CAMSAP3: variants seen among roughly 807,000 people sequenced by gnomAD.
CAMSAP3 encodes calmodulin regulated spectrin associated protein family member 3.
CAMSAP3 carries 34 observed loss-of-function variants against 112.5 expected under a neutral mutation model. That is an observed-to-expected ratio of 0.30 (90% CI 0.23 to 0.40). CAMSAP3 has a LOEUF of 0.40. CAMSAP3 is among the 10% of genes least tolerant of loss of function. The pLI, the probability that CAMSAP3 is intolerant of heterozygous loss-of-function variation, is 1.00. For missense variants in CAMSAP3, 1,602 were observed against 1,770.3 expected, an observed-to-expected ratio of 0.90 and a Z score of 1.71; for synonymous variants, 868 against 799.8, an observed-to-expected ratio of 1.09 and a Z score of -1.44.
chr19:7,615,397 C>A lies in CAMSAP3; in HGVS notation c.2811-21C>A. On this transcript the variant is annotated intron_variant, in intron 12 of 16. Transcript: ENST00000160298. The surrounding 1 kb of genome is among the most constrained non-coding windows in gnomAD (Gnocchi z 6.5). ...GCGGACCCCGTGAGCGGTTCTGATG[C>A]CGATTCCCTGTGATCTGCAGGCTGG... 6.5e-7 allele frequency: 1 copy of A among 1,538,378 alleles called. No homozygotes were observed. The highest frequency in any genetic ancestry group is 8.7e-7 in the Non-Finnish European group (1 of 1,143,226).
Position 7,610,944 on chromosome 19 carries a change from C to A in CAMSAP3, c.1049+13C>A. 1 of 1,579,620 alleles carries A rather than the reference C, an allele frequency of 6.3e-7. No homozygotes were observed. The highest frequency in any genetic ancestry group is 8.6e-7 in the Non-Finnish European group (1 of 1,160,954). On this transcript the variant is annotated intron_variant, in intron 8 of 16. Coordinates refer to ENST00000160298, the MANE Select transcript of CAMSAP3 (RefSeq NM_020902.2). This position sits in a 1 kb window ranked among gnomAD's most constrained non-coding sequence, Gnocchi z 4.9. ...ACAGCGGCAGTAGGTACGCTCCCCA[C>A]ACTGGGCGAGTCTCTGGCATTGTGG... is the stretch of plus-strand genomic sequence containing the variant.
In CAMSAP3 at chr19:7,617,396, G is replaced by C. The variant is rs1880605130; in HGVS notation, c.3283G>C (p.Gly1095Arg). 3 of 1,613,968 alleles carry C rather than the reference G, an allele frequency of 1.9e-6. No homozygotes were observed. In the African/African-American group the frequency reaches 4.0e-5, roughly 22 times the overall value. ...AAGCCGCGAACGGGACTGGGAAAATGGCAGCAATGCCTCCTCCCCAGCGTC... is the reference window on the plus strand; with the variant it reads ...AAGCCGCGAACGGGACTGGGAAAATCGCAGCAATGCCTCCTCCCCAGCGTC... ...PGSRERDWENGSNASSPASVP... is the reference protein window; with the variant it reads ...PGSRERDWENRSNASSPASVP... Residue 1095 changes from glycine (G) to arginine (R), a missense_variant, in exon 15 of 17, where the codon GGC becomes CGC. By Grantham distance (125) the Gly-to-Arg change is moderately radical. Around this residue, in one of 6 missense-constraint regions of CAMSAP3, gnomAD observed 1,100 missense variants for 1,135.7 expected, o/e 0.97. Transcript: ENST00000160298. The surrounding 1 kb of genome is among the most constrained non-coding windows in gnomAD (Gnocchi z 7.5).
chr19:7,599,362 A>C (rs1298668139), intron 1 of CAMSAP3, among the ~76,000 whole-genome samples: 1 of 132,270 alleles, frequency 7.6e-6, no homozygotes, highest in African/African-American at 2.9e-5. Flanking sequence ...CCACCCATCC[A>C]TCCACCCACT....
At position 7,615,435 on chromosome 19, in the gene CAMSAP3, C is replaced by T. The variant is rs544904809; in HGVS notation, c.2828C>T (p.Ala943Val). 57 of 1,540,834 alleles carry T rather than the reference C, an allele frequency of 3.7e-5. No homozygotes were observed. In the African/African-American group the frequency reaches 7.1e-4, roughly 19 times the overall value. ...ATCTGCAGGCTGGCCCAAGAGGAGG[C>T]CCCGGGCCCAGCCCCGCTTGTGTCC... ...EEAARLAQEE[A>V]PGPAPLVSAV... The change falls in exon 13 of 17, where the codon GCC becomes GTC. Residue 943 changes from alanine (A) to valine (V), a missense_variant. By Grantham distance (64) the Ala-to-Val change is moderately conservative. Coordinates refer to ENST00000160298, the MANE Select transcript of CAMSAP3 (RefSeq NM_020902.2). The surrounding 1 kb of genome is among the most constrained non-coding windows in gnomAD (Gnocchi z 6.5).
intron 1 of CAMSAP3, among the ~76,000 whole-genome samples, chr19:7,601,709 C>G (rs982826191): frequency 1.1e-5 from 1 of 94,942 alleles, no homozygotes; most frequent in Non-Finnish European, 2.1e-5. Flanking sequence ...GAGACCCCAT[C>G]TCTAAAATAA....
Position 7,615,545 on chromosome 19 carries a change from C to T in CAMSAP3, c.2938C>T (p.Gln980Ter). Reference sequence around the variant, plus strand: ...CCCCCGGAAGGGGGACTTCACGCGGCAGGAGTACGAGCGCCGGGCCCAGCT... The same window carrying T: ...CCCCCGGAAGGGGGACTTCACGCGGTAGGAGTACGAGCGCCGGGCCCAGCT... ...VGPRKGDFTR[Q>*]EYERRAQLKL... Residue 980 changes from glutamine (Q) to a stop codon, truncating the protein, a stop_gained, in exon 13 of 17, where the codon CAG becomes TAG. Coordinates refer to ENST00000160298, the MANE Select transcript of CAMSAP3 (RefSeq NM_020902.2). LOFTEE classifies it high-confidence loss of function. This position sits in a 1 kb window ranked among gnomAD's most constrained non-coding sequence, Gnocchi z 6.5. The T allele has an allele frequency of 6.5e-7, 1 of 1,531,002 alleles. No homozygotes were observed. The highest frequency in any genetic ancestry group is 2.5e-5 in the East Asian group (1 of 40,448). The allele number at this position is 1,531,002 out of a possible 1,614,324, so 94.8% of individuals were successfully genotyped here. A position where few individuals can be genotyped will look rare whatever the true frequency, so the allele number is the denominator to read the frequency against.
Position 7,611,927 on chromosome 19 carries a change from G to C in CAMSAP3, c.1434G>C (p.Ala478=), listed in dbSNP as rs776758341. 6.3e-7 allele frequency: 1 copy of C among 1,591,312 alleles called. No individual in the cohort carries two copies. Among genetic ancestry groups the C allele is most frequent in the Non-Finnish European group, 8.6e-7 (1 of 1,166,594 alleles). Reference sequence around the variant, plus strand: ...AGCCCCGGCTCCTCCCAGATGGGGCGGCCGACGGCAGCTTCTACCTCCACT... The same window carrying C: ...AGCCCCGGCTCCTCCCAGATGGGGCCGCCGACGGCAGCTTCTACCTCCACT... The part of the protein sequence containing the change: ...SAEPRLLPDG[A]ADGSFYLHSP... The change falls in exon 11 of 17, where the codon GCG becomes GCC. Residue 478 remains alanine (A), a synonymous_variant. Coordinates refer to ENST00000160298, the MANE Select transcript of CAMSAP3 (RefSeq NM_020902.2). This position sits in a 1 kb window ranked among gnomAD's most constrained non-coding sequence, Gnocchi z 6.9.
chr19:7,602,261 G>T (rs2030000760), intron 1 of CAMSAP3, among the ~76,000 whole-genome samples: 1 of 152,172 alleles, frequency 6.6e-6, no homozygotes, highest in African/African-American at 2.4e-5. Context: ...GTACAGGACA[G>T]GACAGCATCC....
intron 1 of CAMSAP3, among the ~76,000 whole-genome samples, chr19:7,602,095 A>G (rs937010372): frequency 1.3e-5 from 2 of 152,134 alleles, no homozygotes; most frequent in African/African-American, 4.8e-5. Flanking sequence ...GAATAAGTTT[A>G]TAGTATAAGG....
At position 7,615,282 on chromosome 19, in the gene CAMSAP3, C is replaced by T; in HGVS notation, c.2770C>T (p.Gln924Ter). 1 of 1,549,192 alleles carries T rather than the reference C, an allele frequency of 6.5e-7. No individual in the cohort carries two copies. Among genetic ancestry groups the T allele is most frequent in the Non-Finnish European group, 8.7e-7 (1 of 1,146,340 alleles). ...GGAGGCGCGGCGGCGCAAGCAGTGG[C>T]AGGAGGTGGAGAAGGAACAGCGGAG... Reference protein sequence around the residue: ...AEEARRRKQWQEVEKEQRREE... With the variant: ...AEEARRRKQW Residue 924 changes from glutamine (Q) to a stop codon, truncating the protein, a stop_gained, in exon 12 of 17, where the codon CAG becomes TAG. Coordinates refer to ENST00000160298, the MANE Select transcript of CAMSAP3 (RefSeq NM_020902.2). LOFTEE classifies it high-confidence loss of function. This position sits in a 1 kb window ranked among gnomAD's most constrained non-coding sequence, Gnocchi z 6.5.
Position 7,612,877 on chromosome 19 carries a change from C to G in CAMSAP3, c.2384C>G (p.Thr795Ser). Residue 795 changes from threonine (T) to serine (S), a missense_variant, in exon 11 of 17, where the codon ACC becomes AGC. By Grantham distance (58) the Thr-to-Ser change is moderately conservative. Around this residue, in one of 6 missense-constraint regions of CAMSAP3, gnomAD observed 1,100 missense variants for 1,135.7 expected, o/e 0.97. Coordinates refer to ENST00000160298, the MANE Select transcript of CAMSAP3 (RefSeq NM_020902.2). ...GCGGAGCTGCGGCTGGCACCCTTGA[C>G]CAGGGTGCTTACGCCACCCCACGAC... The part of the protein sequence containing the change: ...RPAELRLAPL[T>S]RVLTPPHDVD... 2.5e-6 allele frequency: 4 copies of G among 1,606,186 alleles called. No homozygotes were observed. The highest frequency in any genetic ancestry group is 3.4e-6 in the Non-Finnish European group (4 of 1,178,128).
chr19:7,612,107 G>T lies in CAMSAP3; in HGVS notation c.1614G>T (p.Ser538=). ...KPSPCLVGEA[S]KPPAPSEGSP... ...CTCCCTGTCTGGTGGGGGAGGCATCGAAACCGCCAGCCCCATCCGAGGGGT... is the reference window on the plus strand; with the variant it reads ...CTCCCTGTCTGGTGGGGGAGGCATCTAAACCGCCAGCCCCATCCGAGGGGT... Residue 538 remains serine, a synonymous_variant, in exon 11 of 17, where the codon TCG becomes TCT. Coordinates refer to ENST00000160298, the MANE Select transcript of CAMSAP3 (RefSeq NM_020902.2). The T allele has an allele frequency of 6.2e-7, 1 of 1,610,252 alleles. No individual in the cohort carries two copies. Among genetic ancestry groups the T allele is most frequent in the African/African-American group, 1.3e-5 (1 of 74,992 alleles).
chr19:7,601,136 C>G (rs4804753), intron 1 of CAMSAP3, among the ~76,000 whole-genome samples: 26,194 of 151,864 alleles, frequency 0.17, 2,427 homozygotes, highest in Admixed American at 0.25. Context: ...CAAAAACAAA[C>G]AACAAAAACC....
In CAMSAP3 at chr19:7,607,750, C is replaced by G. The variant is rs74556722; in HGVS notation, c.622-376C>G. On this transcript the variant is annotated intron_variant, in intron 4 of 16. Coordinates refer to ENST00000160298, the MANE Select transcript of CAMSAP3 (RefSeq NM_020902.2). The surrounding 1 kb of genome is among the most constrained non-coding windows in gnomAD (Gnocchi z 4.9). The stretch of plus-strand genomic sequence containing the variant: ...CAGGGTCAGGGCTACCCCCTCCCCC[C>G]CAAGGTGGGCTTGGGGGCCCAGCAG... The G allele has an allele frequency of 1.7e-3, 972 of 573,164 alleles. 8 individuals are homozygous for G. Among genetic ancestry groups the G allele is most frequent in the African/African-American group, 0.012 (627 of 52,148 alleles). The allele number at this position is 573,164 out of a possible 1,614,324, so 35.5% of individuals were successfully genotyped here. A position where few individuals can be genotyped will look rare whatever the true frequency, so the allele number is the denominator to read the frequency against.
rs2030527038 is a variant in CAMSAP3 at position 7,612,131 on chromosome 19, G to T, written c.1638G>T (p.Gly546=). Residue 546 remains glycine (G), a synonymous_variant, in exon 11 of 17, where the codon GGG becomes GGT. Transcript: ENST00000160298. ...CGAAACCGCCAGCCCCATCCGAGGG[G>T]TCCCCGAAGGCGGTGGCTTCGTCCC... ...EASKPPAPSE[G]SPKAVASSPA... is the part of the protein sequence containing the mutation. 2 of 1,612,568 alleles carry T rather than the reference G, an allele frequency of 1.2e-6. No homozygotes were observed. Among genetic ancestry groups the T allele is most frequent in the African/African-American group, 2.7e-5 (2 of 74,950 alleles).
chr19:7,606,049 T>A lies in CAMSAP3; in HGVS notation c.403-222T>A, dbSNP rs114772781. ...CCACCCTATCCTAACGCCTAGCATC[T>A]GACCTCAAAGTCCCACCCATCGTGC... is the stretch of plus-strand genomic sequence containing the variant. On this transcript the variant is annotated intron_variant, in intron 2 of 16. Transcript: ENST00000160298. Among the ~76,000 whole-genome samples the A allele has an allele frequency of 8.1e-3, 1,240 of 152,280 alleles. 20 individuals carry two copies. Among genetic ancestry groups the A allele is most frequent in the African/African-American group, 0.028 (1,153 of 41,554 alleles).
In CAMSAP3 at chr19:7,608,046, A is replaced by T. The variant is rs1297559012; in HGVS notation, c.622-80A>T. ...CCCGCCCCCTCATGGCGGAAACCCC[A>T]GGCCTCCCTGCCCAGCCTGCATGAC... On this transcript the variant is annotated intron_variant, in intron 4 of 16. Coordinates refer to ENST00000160298, the MANE Select transcript of CAMSAP3 (RefSeq NM_020902.2). The T allele has an allele frequency of 5.9e-6, 9 of 1,537,864 alleles. No individual in the cohort carries two copies. The Admixed American group carries it at 1.5e-4, about 25-fold the overall frequency.
rs763437907 is a variant in CAMSAP3 at position 7,612,983 on chromosome 19, G to A, written c.2490G>A (p.Glu830=). Reference sequence around the variant, plus strand: ...CGCGCTCTTCCATCCTCCTGGCGGAGGAGACGCCCCCCGAGGAGCCAGCCG... The same window carrying A: ...CGCGCTCTTCCATCCTCCTGGCGGAAGAGACGCCCCCCGAGGAGCCAGCCG... ...VQTRSSILLA[E]ETPPEEPAAR... Residue 830 remains glutamate, a synonymous_variant, in exon 11 of 17, where the codon GAG becomes GAA. Coordinates refer to ENST00000160298, the MANE Select transcript of CAMSAP3 (RefSeq NM_020902.2). The A allele has an allele frequency of 4.0e-5, 64 of 1,590,974 alleles. No individual in the cohort carries two copies. The African/African-American group carries it at 6.5e-4, about 16-fold the overall frequency.
chr19:7,616,479 G>C (rs762643999), intron 13 of CAMSAP3, 44 bp from the exon 14 acceptor site: 3 of 1,372,286 alleles, frequency 2.2e-6, no homozygotes, highest in Non-Finnish European at 3.1e-6. Flanking sequence ...GTTGTGGAGG[G>C]CAGGGGCTTC....
Sources: allele counts gnomAD v4.1 joint callset (sites outside exome capture counted in the v4.1 genomes callset), GRCh38; gene constraint gnomAD v4.1.1; regional missense constraint gnomAD v4.1.1; non-coding constraint Gnocchi (gnomAD v3.1); transcripts MANE v1.5; gene names NCBI Gene and HGNC (gene_info 2026-07-23, HGNC 2026-07-21).